The following THSD4 variants were observed in gnomAD, a reference collection of about 807,000 sequenced individuals.
THSD4 encodes the protein thrombospondin type 1 domain containing 4.
Under a neutral mutation model 119.0 loss-of-function variants are expected in THSD4, and 69 were observed. The ratio of observed to expected loss-of-function variants is 0.58; its 90% CI spans 0.48 to 0.71. The LOEUF is 0.71. Among genes scored for constraint, THSD4 ranks in the 30% least tolerant of loss-of-function variants. The pLI is 0.00. For synonymous variants in THSD4, 524 were observed against 540.4 expected (o/e 0.97, Z 0.42); for missense variants, 1,393 against 1,391.1 (o/e 1.00, Z -0.02).
intron 6 of THSD4, among the ~76,000 whole-genome samples, chr15:71,314,722 C>T (rs1173617557): frequency 6.6e-6 from 1 of 152,196 alleles, no homozygotes; most frequent in African/African-American, 2.4e-5. Flanking sequence ...AGTATTGCCA[C>T]ACCTTGGTTC....
At chr15:71,473,092 TG>T (rs2047606389) in intron 7 of THSD4, among the ~76,000 whole-genome samples, 2 of 150,210 alleles carry the variant, frequency 1.3e-5, no homozygotes, top group Non-Finnish European at 3.0e-5. Flanking sequence ...AGTCTCACTC[TG>T]TGGCCCAGGC....
chr15:71,611,417 G>A (rs543811817), intron 7 of THSD4, among the ~76,000 whole-genome samples: 8 of 152,306 alleles, frequency 5.3e-5, no homozygotes, highest in East Asian at 1.9e-4. Context: ...ACTTCCTGCT[G>A]CCAGCCCCTA....
At chr15:71,346,658 A>G (rs2045664834) in intron 6 of THSD4, among the ~76,000 whole-genome samples, 1 of 152,128 alleles carries the variant, frequency 6.6e-6, no homozygotes, top group African/African-American at 2.4e-5. Context: ...TAGTATTTAC[A>G]AGCCAAAATC....
intron 7 of THSD4, among the ~76,000 whole-genome samples, chr15:71,469,191 C>T (rs542237639): frequency 2.0e-5 from 3 of 152,242 alleles, no homozygotes; most frequent in Non-Finnish European, 2.9e-5. Flanking sequence ...CAGCTCACTT[C>T]CAAAGAGAAT....
chr15:71,118,846 G>A lies in THSD4; in HGVS notation c.-80+3148G>A, dbSNP rs373835777. On this transcript the variant is annotated intron_variant, in intron 1 of 17. Coordinates refer to ENST00000261862, the MANE Select transcript of THSD4 (RefSeq NM_024817.3). ...AGATTCAGGGGAAGCTCTGGCTTTA[G>A]GCTGCTTTGCTGCCTCTGGCCCCCT... is the stretch of plus-strand genomic sequence containing the variant. Among the ~76,000 whole-genome samples, 3 of 152,350 alleles carry A rather than the reference G, an allele frequency of 2.0e-5. No individual in the cohort carries two copies. The East Asian group carries it at 5.8e-4, about 29-fold the overall frequency.
intron 6 of THSD4, among the ~76,000 whole-genome samples, chr15:71,371,520 T>G (rs2046047781): frequency 6.6e-6 from 1 of 152,202 alleles, no homozygotes; most frequent in African/African-American, 2.4e-5. Flanking sequence ...AAGGATTTTA[T>G]TTCTCCTTGG....
At chr15:71,560,879 A>G (rs1414014207) in intron 7 of THSD4, among the ~76,000 whole-genome samples, 1 of 151,940 alleles carries the variant, frequency 6.6e-6, no homozygotes, top group African/African-American at 2.4e-5. Context: ...GAGAAAGTCC[A>G]TGAGCTTTCA....
chr15:71,529,348 C>T (rs1233448789), intron 7 of THSD4, among the ~76,000 whole-genome samples: 6 of 152,212 alleles, frequency 3.9e-5, no homozygotes, highest in African/African-American at 9.7e-5. Context: ...GTTTTTTAAA[C>T]TTTCCCCTTT....
At chr15:71,359,685 C>T (rs2140417867) in intron 6 of THSD4, among the ~76,000 whole-genome samples, 1 of 152,254 alleles carries the variant, frequency 6.6e-6, no homozygotes, top group East Asian at 1.9e-4. Flanking sequence ...TGGTGTGCAC[C>T]TGTAGTCTCA....
intron 7 of THSD4, among the ~76,000 whole-genome samples, chr15:71,634,784 T>C (rs2279787): frequency 3.3e-5 from 5 of 152,312 alleles, no homozygotes; most frequent in African/African-American, 1.2e-4. Flanking sequence ...TCATTCCATG[T>C]ACGCCTTACG....
rs181693763 is a variant in THSD4 at position 71,402,738 on chromosome 15, C to T, written c.1016-8949C>T. 2.0e-5 allele frequency among the ~76,000 whole-genome samples: 3 copies of T among 152,266 alleles called. No individual in the cohort carries two copies. The East Asian group carries it at 5.8e-4, about 29-fold the overall frequency. ...CAGCGCAAGCTCCAGAAATAAACAC[C>T]TATGAGCCAGCTCCTAACTGCTGGG... On this transcript the variant is annotated intron_variant, in intron 6 of 17. Transcript: ENST00000261862.
intron 7 of THSD4, among the ~76,000 whole-genome samples, chr15:71,584,769 T>C (rs1414011734): frequency 6.6e-6 from 1 of 152,182 alleles, no homozygotes; most frequent in African/African-American, 2.4e-5. Context: ...AGTTCCTTTT[T>C]TCCTTTCTTC....
At chr15:71,200,876 G>A (rs1317202970) in intron 3 of THSD4, among the ~76,000 whole-genome samples, 1 of 152,188 alleles carries the variant, frequency 6.6e-6, no homozygotes, top group African/African-American at 2.4e-5. Flanking sequence ...AGCCCAAAAT[G>A]GAGCTGTGCC....
At chr15:71,136,383 G>A (rs2040552478) in intron 1 of THSD4, among the ~76,000 whole-genome samples, 1 of 152,096 alleles carries the variant, frequency 6.6e-6, no homozygotes, top group Non-Finnish European at 1.5e-5. Flanking sequence ...AGCAGGACAG[G>A]AGAGCATATT....
At chr15:71,628,636 A>G (rs537166673) in intron 7 of THSD4, among the ~76,000 whole-genome samples, 3 of 152,310 alleles carry the variant, frequency 2.0e-5, no homozygotes, top group East Asian at 1.9e-4. Context: ...CTCCCAGGCA[A>G]TGTTGATGCT....
chr15:71,191,762 C>T (rs1326437345), intron 3 of THSD4, among the ~76,000 whole-genome samples: 3 of 152,100 alleles, frequency 2.0e-5, no homozygotes, highest in Non-Finnish European at 2.9e-5. Flanking sequence ...ACATATGAGT[C>T]GGCCCCACAT....
At chr15:71,760,793 C>A (rs2053615886) in intron 15 of THSD4, among the ~76,000 whole-genome samples, 1 of 152,144 alleles carries the variant, frequency 6.6e-6, no homozygotes, top group Admixed American at 6.6e-5. Flanking sequence ...TGCCTAATTG[C>A]CATCACTTCT....
chr15:71,280,769 G>A (rs1296184452), intron 6 of THSD4, among the ~76,000 whole-genome samples: 1 of 152,098 alleles, frequency 6.6e-6, no homozygotes, highest in African/African-American at 2.4e-5. Flanking sequence ...AACCGAGCCA[G>A]GGACTGCGAG....
chr15:71,186,785 G>A (rs2043609480), intron 3 of THSD4: 1 of 152,218 alleles, frequency 6.6e-6, no homozygotes, highest in Non-Finnish European at 1.5e-5. Flanking sequence ...GGCATTTCAG[G>A]TGATTAATGA....
Sources: allele counts gnomAD v4.1 joint callset (sites outside exome capture counted in the v4.1 genomes callset), GRCh38; gene constraint gnomAD v4.1.1; transcripts MANE v1.5; gene names NCBI Gene and HGNC (gene_info 2026-07-23, HGNC 2026-07-21).